Variants in XYLT1 observed in about 807,000 individuals in gnomAD.
The protein encoded by XYLT1 is beta-D-xylosyltransferase 1.
In XYLT1, 36 loss-of-function variants were observed where a neutral mutation model predicts 91.3. The ratio of observed to expected loss-of-function variants is 0.39; its 90% CI spans 0.30 to 0.52. XYLT1 has a LOEUF of 0.52. Ranked by LOEUF, XYLT1 falls within the 20% of genes least tolerant of loss-of-function variation. The pLI is 0.68. For missense variants in XYLT1, 1,242 were observed against 1,284.5 expected (o/e 0.97, Z 0.51); for synonymous variants, 588 against 532.0 (o/e 1.11, Z -1.45).
chr16:17,137,828 G>A (rs374908965), intron 8 of XYLT1, among the ~76,000 whole-genome samples: 6 of 152,126 alleles, frequency 3.9e-5, no homozygotes, highest in East Asian at 1.9e-4. Context: ...CAAATTCGTC[G>A]ATATCACTGA....
chr16:17,239,249 C>A (rs1042643777), intron 3 of XYLT1, among the ~76,000 whole-genome samples: 6 of 151,304 alleles, frequency 4.0e-5, no homozygotes, highest in African/African-American at 2.4e-5. Flanking sequence ...TCTCATTCAT[C>A]CATCCACTCA....
chr16:17,232,448 T>TAA (rs1409901669), intron 3 of XYLT1, among the ~76,000 whole-genome samples: 1 of 116,436 alleles, frequency 8.6e-6, no homozygotes, highest in Non-Finnish European at 1.9e-5. Flanking sequence ...TATATATATA[T>TAA]ACATATATAT....
At chr16:17,408,787 G>A (rs562219112) in intron 1 of XYLT1, among the ~76,000 whole-genome samples, 5 of 152,074 alleles carry the variant, frequency 3.3e-5, no homozygotes, top group African/African-American at 7.2e-5. Context: ...CTGAGGTTGC[G>A]GTGACCCAAG....
At chr16:17,144,403 A>G (rs73531327) in intron 6 of XYLT1, among the ~76,000 whole-genome samples, 6,851 of 152,288 alleles carry the variant, frequency 0.045, 534 homozygotes, top group African/African-American at 0.15. Flanking sequence ...ACAGGCACAT[A>G]TAACCATAGG....
intron 1 of XYLT1, among the ~76,000 whole-genome samples, chr16:17,377,516 T>C (rs939237192): frequency 1.3e-5 from 2 of 152,080 alleles, no homozygotes; most frequent in Non-Finnish European, 2.9e-5. Flanking sequence ...GAATGGCTTA[T>C]TTAGCTCACT....
chr16:17,213,217 G>T (rs749436969), intron 3 of XYLT1, among the ~76,000 whole-genome samples: 1 of 152,070 alleles, frequency 6.6e-6, no homozygotes, highest in Non-Finnish European at 1.5e-5. Context: ...CTCTTGTTCC[G>T]GCCCTGTAAG....
intron 1 of XYLT1, among the ~76,000 whole-genome samples, chr16:17,411,940 C>T (rs557115045): frequency 1.1e-4 from 16 of 152,058 alleles, no homozygotes; most frequent in Non-Finnish European, 1.9e-4. Context: ...CTAGGTGGCC[C>T]GGAGGCCTAA....
chr16:17,378,570 G>A (rs569207927), intron 1 of XYLT1, among the ~76,000 whole-genome samples: 148 of 152,308 alleles, frequency 9.7e-4, no homozygotes, highest in Non-Finnish European at 1.9e-3. Context: ...GGAATATGTT[G>A]CTAAAAGTTT....
intron 1 of XYLT1, among the ~76,000 whole-genome samples, chr16:17,459,589 G>C (rs1378889351): frequency 1.3e-5 from 2 of 152,132 alleles, no homozygotes; most frequent in African/African-American, 4.8e-5. Context: ...CCCTGAATAA[G>C]TAAAATAAAT....
At chr16:17,260,464 G>C (rs972050209) in intron 2 of XYLT1, among the ~76,000 whole-genome samples, 7 of 152,202 alleles carry the variant, frequency 4.6e-5, no homozygotes, top group African/African-American at 1.7e-4. Context: ...GCTCCATATA[G>C]CTGCCCTTGT....
chr16:17,137,770 G>T (rs577879663), intron 8 of XYLT1, among the ~76,000 whole-genome samples: 1 of 150,382 alleles, frequency 6.6e-6, no homozygotes. Context: ...GAACACAGTG[G>T]TTTCCAAACC....
rs751753807 is a variant in XYLT1, at chr16:17,259,071, C to T, written c.830G>A (p.Arg277His). The T allele has an allele frequency of 9.8e-6, 15 of 1,526,102 alleles. No homozygotes were observed. Among genetic ancestry groups the T allele is most frequent in the Middle Eastern group, 1.8e-4 (1 of 5,622 alleles). 94.5% of individuals were successfully genotyped at this position (1,526,102 alleles called of 1,614,324 possible). A position where few individuals can be genotyped will look rare whatever the true frequency, so the allele number is the denominator to read the frequency against. The change falls in exon 3 of 12, where the codon CGC (arginine) becomes CAC (histidine). Residue 277 changes from arginine to histidine, a missense_variant. Arg to His is a conservative substitution (Grantham distance 29, BLOSUM62 0). Around this residue, in one of 3 missense-constraint regions of XYLT1, gnomAD observed 437 missense variants for 411.5 expected, o/e 1.06. Transcript: ENST00000261381. ...GCAGTAAGTCTCCCCAATCTCCTGGCGGCAGTGCTTGGACTTAGCACGGGA... is the reference window on the plus strand; with the variant it reads ...GCAGTAAGTCTCCCCAATCTCCTGGTGGCAGTGCTTGGACTTAGCACGGGA... Reference protein sequence around the residue: ...ALSRAKSKHCRQEIGETYCRH... With the variant: ...ALSRAKSKHCHQEIGETYCRH...
chr16:17,245,442 A>G (rs1178241370), intron 3 of XYLT1, among the ~76,000 whole-genome samples: 1 of 152,194 alleles, frequency 6.6e-6, no homozygotes, highest in Non-Finnish European at 1.5e-5. Context: ...TTAGGGCAAC[A>G]TAAACCCTCC....
rs1046615444 is a variant in XYLT1 at position 17,328,835 on chromosome 16, G to T, written c.402+29177C>A. The stretch of plus-strand genomic sequence containing the variant: ...TGAGAAGGCAGGAAAATAAATGGGT[G>T]ATAGAGTTTAGAAAAATTCCTTAAA... On this transcript the variant is annotated intron_variant, in intron 2 of 11. Transcript: ENST00000261381. 3.3e-5 allele frequency among the ~76,000 whole-genome samples: 5 copies of T among 152,272 alleles called. No individual in the cohort carries two copies. In the South Asian group the frequency reaches 1.0e-3, roughly 32 times the overall value.
intron 2 of XYLT1, among the ~76,000 whole-genome samples, chr16:17,273,133 CCTAA>C (rs2033921499): frequency 6.6e-6 from 1 of 152,146 alleles, no homozygotes; most frequent in Non-Finnish European, 1.5e-5. Flanking sequence ...AGGCCAGGAG[CCTAA>C]CTTAGATTTA....
At chr16:17,422,005 C>T (rs958215896) in intron 1 of XYLT1, among the ~76,000 whole-genome samples, 17 of 151,784 alleles carry the variant, frequency 1.1e-4, no homozygotes, top group Non-Finnish European at 1.6e-4. Flanking sequence ...TTTTTTGAGA[C>T]GGAGTCTTGC....
At chr16:17,273,993 C>A (rs368982666) in intron 2 of XYLT1, among the ~76,000 whole-genome samples, 1 of 151,786 alleles carries the variant, frequency 6.6e-6, no homozygotes, top group Admixed American at 6.6e-5. Context: ...CTCACTGCAA[C>A]CTCTGCCTCC....
At chr16:17,229,871 T>C (rs966439762) in intron 3 of XYLT1, among the ~76,000 whole-genome samples, 22 of 152,226 alleles carry the variant, frequency 1.4e-4, no homozygotes, top group African/African-American at 4.6e-4. Context: ...TCTGCAGATA[T>C]AATTAGTTAA....
At chr16:17,228,616 G>A (rs911639508) in intron 3 of XYLT1, among the ~76,000 whole-genome samples, 1 of 152,146 alleles carries the variant, frequency 6.6e-6, no homozygotes, top group East Asian at 1.9e-4. Flanking sequence ...ATTGGAGGAG[G>A]CTTCTGATCG....
Sources: allele counts gnomAD v4.1 joint callset (sites outside exome capture counted in the v4.1 genomes callset), GRCh38; gene constraint gnomAD v4.1.1; regional missense constraint gnomAD v4.1.1; transcripts MANE v1.5; gene names NCBI Gene and HGNC (gene_info 2026-07-23, HGNC 2026-07-21).